SVEP1: variants seen among roughly 807,000 people sequenced by gnomAD.
SVEP1 encodes the protein sushi, von Willebrand factor type A, EGF and pentraxin domain-containing protein 1.
SVEP1 carries 164 observed loss-of-function variants against 367.3 expected under a neutral mutation model. The ratio of observed to expected loss-of-function variants is 0.45; its 90% CI spans 0.39 to 0.51. The LOEUF (loss-of-function observed/expected upper bound fraction) is 0.51. Among genes scored for constraint, SVEP1 ranks in the 20% least tolerant of loss-of-function variants. SVEP1 has a pLI of 0.00. For missense variants in SVEP1, 4,117 were observed against 4,425.3 expected (o/e 0.93, Z 1.98); for synonymous variants, 1,666 against 1,611.6 (o/e 1.03, Z -0.81).
chr9:110,558,513 C>CAA (rs59604799), intron 1 of SVEP1, among the ~76,000 whole-genome samples: 5,329 of 90,640 alleles, frequency 0.059, 241 homozygotes, highest in African/African-American at 0.096. Flanking sequence ...GACCCTGTCT[C>CAA]AAAAAAAAAA....
intron 1 of SVEP1, among the ~76,000 whole-genome samples, chr9:110,576,698 A>G (rs1245183205): frequency 6.6e-6 from 1 of 152,104 alleles, no homozygotes; most frequent in East Asian, 1.9e-4. Flanking sequence ...ATTTTAAAAG[A>G]TGCTATTCAT....
chr9:110,568,912 C>A (rs756978356), intron 1 of SVEP1, among the ~76,000 whole-genome samples: 1 of 151,998 alleles, frequency 6.6e-6, no homozygotes, highest in Non-Finnish European at 1.5e-5. Flanking sequence ...CCAGCCTGGG[C>A]AACATGGCAA....
intron 5 of SVEP1, among the ~76,000 whole-genome samples, chr9:110,510,439 A>G (rs1195222447): frequency 2.0e-5 from 3 of 152,190 alleles, no homozygotes; most frequent in Non-Finnish European, 4.4e-5. Flanking sequence ...AAGAAACATA[A>G]TGAGGGGTGG....
chr9:110,414,715 T>C (rs1306346801), intron 36 of SVEP1, among the ~76,000 whole-genome samples: 1 of 151,898 alleles, frequency 6.6e-6, no homozygotes, highest in Non-Finnish European at 1.5e-5. Flanking sequence ...CCTGGAGAGC[T>C]TTATGACAGA....
At chr9:110,367,139 T>C (rs1356914569) in intron 47 of SVEP1, among the ~76,000 whole-genome samples, 8 of 152,228 alleles carry the variant, frequency 5.3e-5, no homozygotes, top group Non-Finnish European at 8.8e-5. Context: ...GCAGCGACTT[T>C]TGTGCCTGTA....
chr9:110,399,210 C>G (rs1370964651), intron 40 of SVEP1, among the ~76,000 whole-genome samples: 2 of 152,152 alleles, frequency 1.3e-5, no homozygotes, highest in Middle Eastern at 3.4e-3. Context: ...ATGGATGAAA[C>G]TAGAAACCAT....
At chr9:110,383,304 T>C (rs1027123469) in intron 43 of SVEP1, among the ~76,000 whole-genome samples, 5 of 152,218 alleles carry the variant, frequency 3.3e-5, no homozygotes, top group South Asian at 2.1e-4. Flanking sequence ...TGTTTTTCTT[T>C]TAACAGTCAG....
intron 22 of SVEP1, among the ~76,000 whole-genome samples, chr9:110,454,901 C>A (rs1395843230): frequency 1.3e-5 from 2 of 152,170 alleles, no homozygotes; most frequent in East Asian, 1.9e-4. Context: ...CAAACCTCAG[C>A]ATCATGCAAT....
intron 22 of SVEP1, among the ~76,000 whole-genome samples, chr9:110,453,542 C>T (rs1828729945): frequency 1.3e-5 from 2 of 152,034 alleles, no homozygotes; most frequent in Non-Finnish European, 2.9e-5. Context: ...CTATAACTTG[C>T]CAGCATGTGT....
chr9:110,566,922 C>G (rs566577652), intron 1 of SVEP1, among the ~76,000 whole-genome samples: 2 of 152,310 alleles, frequency 1.3e-5, no homozygotes, highest in East Asian at 3.9e-4. Context: ...GAGTCCACAT[C>G]TGTCTGAGAT....
intron 3 of SVEP1, among the ~76,000 whole-genome samples, chr9:110,539,235 T>C (rs1830114901): frequency 1.3e-5 from 2 of 151,872 alleles, no homozygotes; most frequent in Non-Finnish European, 1.5e-5. Context: ...ACAAAGACAA[T>C]AGTTAGGTGT....
At chr9:110,481,489 T>C in intron 11 of SVEP1, 53 bp from the exon 12 acceptor site, 1 of 1,303,898 alleles carries the variant, frequency 7.7e-7, no homozygotes, top group Non-Finnish European at 1.0e-6. Context: ...AAGCATAAAT[T>C]AAATTCCAGG....
intron 5 of SVEP1, among the ~76,000 whole-genome samples, chr9:110,511,057 A>T (rs998667366): frequency 6.6e-6 from 1 of 152,216 alleles, no homozygotes; most frequent in African/African-American, 2.4e-5. Flanking sequence ...GCCTAAGGCT[A>T]ATCTGATTCT....
Position 110,390,195 on chromosome 9 carries a change from ATAAG to A in SVEP1, c.9823-612_9823-609del, listed in dbSNP as rs1440192883. Among the ~76,000 whole-genome samples the A allele has an allele frequency of 3.6e-4, 50 of 139,014 alleles. 3 individuals are homozygous for A. The highest frequency in any genetic ancestry group is 1.3e-3 in the African/African-American group (49 of 37,834). 91.2% of individuals were successfully genotyped at this position (139,014 alleles called of 152,430 possible). On this transcript the variant is annotated intron_variant, in intron 40 of 47. Transcript: ENST00000374469. The stretch of plus-strand genomic sequence containing the variant: ...AGTATGTATGTATATATACACTTAT[ATAAG>A]TATGTATGTATATACTTGTATATAT...
intron 40 of SVEP1, among the ~76,000 whole-genome samples, chr9:110,391,508 G>A (rs1354998217): frequency 6.6e-6 from 1 of 152,050 alleles, no homozygotes; most frequent in Non-Finnish European, 1.5e-5. Flanking sequence ...CTGACCTCAG[G>A]TGACCTACCC....
chr9:110,575,733 C>G (rs1030592605), intron 1 of SVEP1, among the ~76,000 whole-genome samples: 4 of 152,240 alleles, frequency 2.6e-5, no homozygotes, highest in South Asian at 2.1e-4. Flanking sequence ...ACACTTGGGT[C>G]ACTGACAGCT....
At chr9:110,379,569 A>T in intron 43 of SVEP1, 52 bp from the exon 44 acceptor site, 1 of 1,551,516 alleles carries the variant, frequency 6.4e-7, no homozygotes, top group Non-Finnish European at 8.8e-7. Context: ...ACAGACTGAG[A>T]ACACAGTCTC....
At chr9:110,507,682 C>T (rs1005147772) in intron 5 of SVEP1, among the ~76,000 whole-genome samples, 3 of 152,160 alleles carry the variant, frequency 2.0e-5, no homozygotes, top group Admixed American at 6.5e-5. Context: ...TTTATTGTGT[C>T]TATCAAGTGC....
At chr9:110,467,628 CT>C (rs1306986094) in intron 17 of SVEP1, among the ~76,000 whole-genome samples, 3 of 138,880 alleles carry the variant, frequency 2.2e-5, no homozygotes, top group Non-Finnish European at 3.0e-5. Flanking sequence ...TCTCCCCTGT[CT>C]TTTTTACTTT....
Sources: gnomAD v4.1 joint callset for allele counts (sites outside exome capture counted in the v4.1 genomes callset) on GRCh38, gnomAD v4.1.1 for gene constraint, MANE v1.5 for transcripts, NCBI Gene and HGNC (gene_info 2026-07-23, HGNC 2026-07-21) for gene names.